SPOCK2: variants seen among roughly 807,000 people sequenced by gnomAD.
The protein encoded by SPOCK2 is testican-2.
SPOCK2 carries 39 observed loss-of-function variants against 60.1 expected under a neutral mutation model. The ratio of observed to expected loss-of-function variants is 0.65; its 90% CI spans 0.50 to 0.85. SPOCK2 has a LOEUF of 0.85. Ranked by LOEUF, SPOCK2 falls within the 40% of genes least tolerant of loss-of-function variation. The probability of loss-of-function intolerance (pLI) is 0.00; values close to 1 mark genes in which losing one functional copy is unlikely to be tolerated. For missense variants in SPOCK2, 523 were observed against 567.4 expected (o/e 0.92, Z 0.80); for synonymous variants, 217 against 231.5 (o/e 0.94, Z 0.57).
At chr10:72,067,514 G>A in intron 7 of SPOCK2, 99 bp downstream of exon 7, 1 of 1,560,406 alleles carries the variant, frequency 6.4e-7, no homozygotes, top group South Asian at 1.2e-5. Context: ...CCAGAGTCTG[G>A]CAGGAAGGAA....
At chr10:72,088,728 A>G (rs1229994362), upstream of SPOCK2, 1 of 168,330 alleles carries the variant, frequency 5.9e-6, no homozygotes, top group Non-Finnish European at 1.3e-5. Context: ...CGCCTGGCAC[A>G]CAGGGAGTTG....
Position 72,088,149 on chromosome 10 carries a change from G to T in SPOCK2, c.180C>A (p.Arg60=), listed in dbSNP as rs1840889083. The T allele has an allele frequency of 6.2e-7, 1 of 1,612,588 alleles. No individual in the cohort carries two copies. Among genetic ancestry groups the T allele is most frequent in the Non-Finnish European group, 8.5e-7 (1 of 1,179,490 alleles). The change falls in exon 1 of 11, where the codon CGC becomes CGA. Residue 60 remains arginine (R), a synonymous_variant. Coordinates refer to ENST00000373109, the MANE Select transcript of SPOCK2 (RefSeq NM_001244950.2). ...AGCCCTGCGGACTCACGTCTCGGAA[G>T]CGGTTCCAGTGCTTGATCTTGCCGC... The part of the protein sequence containing the change: ...QYSGKIKHWN[R]FRDEVEDDYI...
At chr10:72,075,416 A>G (rs1840703450) in intron 1 of SPOCK2, among the ~76,000 whole-genome samples, 1 of 152,114 alleles carries the variant, frequency 6.6e-6, no homozygotes, top group African/African-American at 2.4e-5. Flanking sequence ...GAGTGGAAGT[A>G]GGGAAGGTGC....
At chr10:72,063,516 G>A (rs1443314422) in intron 9 of SPOCK2, among the ~76,000 whole-genome samples, 1 of 152,154 alleles carries the variant, frequency 6.6e-6, no homozygotes, top group African/African-American at 2.4e-5. Flanking sequence ...CAGTTCCGCC[G>A]GCCTGGCTGT....
In SPOCK2 at chr10:72,072,253, C is replaced by T. The variant is rs200420150; in HGVS notation, c.250G>A (p.Asp84Asn). The T allele has an allele frequency of 3.2e-4, 496 of 1,533,180 alleles. 1 individual carries two copies. Among genetic ancestry groups the T allele is most frequent in the Non-Finnish European group, 3.5e-4 (394 of 1,139,202 alleles). 95.0% of individuals were successfully genotyped at this position (1,533,180 alleles called of 1,614,324 possible). A position where few individuals can be genotyped will look rare whatever the true frequency, so the allele number is the denominator to read the frequency against. Residue 84 changes from aspartate to asparagine, a missense_variant, in exon 4 of 11, where the codon GAT (aspartate) becomes AAT (asparagine). Transcript: ENST00000373109. Reference sequence around the variant, plus strand: ...TTCTGGCAGGGGTCCTTGGTGGTATCCAGGGCTGCAGGGGCACAGAGTCAG... The same window carrying T: ...TTCTGGCAGGGGTCCTTGGTGGTATTCAGGGCTGCAGGGGCACAGAGTCAG... ...EDNQQGDEAL[D>N]TTKDPCQKVK... is the part of the protein sequence containing the mutation.
chr10:72,068,121 A>AGGTGT, intron 6 of SPOCK2, 66 bp downstream of exon 6: 2 of 1,524,270 alleles, frequency 1.3e-6, no homozygotes, highest in South Asian at 2.4e-5. Context: ...ACCACCCTAG[A>AGGTGT]GCCCTGAAGG....
At chr10:72,074,709 G>A (rs953570080) in intron 1 of SPOCK2, among the ~76,000 whole-genome samples, 13 of 152,188 alleles carry the variant, frequency 8.5e-5, no homozygotes, top group African/African-American at 3.1e-4. Context: ...GCAGGAGTCG[G>A]GAAGGATGGG....
At position 72,062,625 on chromosome 10, in the gene SPOCK2, C is replaced by T. The variant is rs140209582; in HGVS notation, c.*135G>A. On this transcript the variant is annotated 3_prime_UTR_variant, in exon 11 of 11. Coordinates refer to ENST00000373109, the MANE Select transcript of SPOCK2 (RefSeq NM_001244950.2). The surrounding 1 kb of genome is among the most constrained non-coding windows in gnomAD (Gnocchi z 4.3). Reference sequence around the variant, plus strand: ...CCATCTGTGCCACACACATGCCATGCACACTCACACTCCCAGTCCCCCCAG... The same window carrying T: ...CCATCTGTGCCACACACATGCCATGTACACTCACACTCCCAGTCCCCCCAG... 4.6e-4 allele frequency: 677 copies of T among 1,475,316 alleles called. 5 individuals are homozygous for T. In the East Asian group the frequency reaches 0.012, roughly 27 times the overall value. The allele number at this position is 1,475,316 out of a possible 1,614,324, so 91.4% of individuals were successfully genotyped here.
chr10:72,067,822 G>A, intron 6 of SPOCK2, 90 bp from the exon 7 acceptor site: 1 of 1,531,836 alleles, frequency 6.5e-7, no homozygotes, highest in Non-Finnish European at 8.8e-7. Flanking sequence ...CAGGCCAGGA[G>A]GCTGGGCAGG....
chr10:72,062,706 G>A lies in SPOCK2; in HGVS notation c.*54C>T. 2 of 1,554,530 alleles carry A rather than the reference G, an allele frequency of 1.3e-6. No individual in the cohort carries two copies. The highest frequency in any genetic ancestry group is 1.7e-6 in the Non-Finnish European group (2 of 1,159,610). On this transcript the variant is annotated 3_prime_UTR_variant, in exon 11 of 11. Coordinates refer to ENST00000373109, the MANE Select transcript of SPOCK2 (RefSeq NM_001244950.2). This position sits in a 1 kb window ranked among gnomAD's most constrained non-coding sequence, Gnocchi z 4.3. The stretch of plus-strand genomic sequence containing the variant: ...GGATCCGTTCTCGAAGTTGCCTGCT[G>A]CTGCTCAGAGCTCTGCTGTTGAGTC...
At position 72,062,805 on chromosome 10, in the gene SPOCK2, C is replaced by T. The variant is rs1168150953; in HGVS notation, c.1230G>A (p.Glu410=). The T allele has an allele frequency of 1.2e-6, 2 of 1,609,968 alleles. No individual in the cohort carries two copies. Among genetic ancestry groups the T allele is most frequent in the Non-Finnish European group, 1.7e-6 (2 of 1,179,920 alleles). Reference sequence around the variant, plus strand: ...CGTCAGCCTCGCCTGCCTCGCCCTCCTCCTCCTCGGCCTCCTCGCCTGCTT... The same window carrying T: ...CGTCAGCCTCGCCTGCCTCGCCCTCTTCCTCCTCGGCCTCCTCGCCTGCTT... ...TEEAGEEAEE[E]EGEAGEADDG... The change falls in exon 11 of 11, where the codon GAG becomes GAA. Residue 410 remains glutamate, a synonymous_variant. Coordinates refer to ENST00000373109, the MANE Select transcript of SPOCK2 (RefSeq NM_001244950.2). This position sits in a 1 kb window ranked among gnomAD's most constrained non-coding sequence, Gnocchi z 4.3.
At chr10:72,082,610 T>G (rs560727947) in intron 1 of SPOCK2, among the ~76,000 whole-genome samples, 5 of 151,660 alleles carry the variant, frequency 3.3e-5, no homozygotes, top group Non-Finnish European at 7.4e-5. Context: ...TCCTAGCACT[T>G]TGGGAGGCGG....
intron 4 of SPOCK2, among the ~76,000 whole-genome samples, chr10:72,070,759 G>A (rs1286980724): frequency 6.6e-6 from 1 of 152,090 alleles, no homozygotes; most frequent in Non-Finnish European, 1.5e-5. Flanking sequence ...CCAAATCTGA[G>A]GTTGCAAACT....
rs1408736893 is a variant in SPOCK2 at position 72,063,176 on chromosome 10, T to C, written c.992-14A>G. The C allele has an allele frequency of 5.1e-6, 8 of 1,555,204 alleles. No homozygotes were observed. In the Admixed American group the frequency reaches 1.4e-4, roughly 26 times the overall value. The stretch of plus-strand genomic sequence containing the variant: ...GGATGAAGATGCCTGAATGAGACAG[T>C]GCCAGGCAGGGTCAGAGCAGGGGCC... On this transcript the variant is annotated splice_polypyrimidine_tract_variant and intron_variant, in intron 9 of 10. Transcript: ENST00000373109.
At chr10:72,065,296 A>G (rs1208374391) in intron 8 of SPOCK2, among the ~76,000 whole-genome samples, 1 of 152,046 alleles carries the variant, frequency 6.6e-6, no homozygotes, top group East Asian at 1.9e-4. Context: ...TCGGCCTCCC[A>G]AAGTGCTGGG....
chr10:72,077,179 G>A (rs1840725045), intron 1 of SPOCK2, among the ~76,000 whole-genome samples: 1 of 152,054 alleles, frequency 6.6e-6, no homozygotes, highest in African/African-American at 2.4e-5. Flanking sequence ...GGAGTGCAGT[G>A]GTGCAATCAT....
chr10:72,072,231 TG>T lies in SPOCK2; in HGVS notation c.271del (p.Gln91ArgfsTer3). The T allele has an allele frequency of 6.5e-7, 1 of 1,545,776 alleles. No homozygotes were observed. The highest frequency in any genetic ancestry group is 8.7e-7 in the Non-Finnish European group (1 of 1,144,828). On this transcript the variant is annotated frameshift_variant, in exon 4 of 11. Coordinates refer to ENST00000373109, the MANE Select transcript of SPOCK2 (RefSeq NM_001244950.2). LOFTEE classifies it high-confidence loss of function. The part of the protein sequence containing the change: ...EALDTTKDPC[Q>X]KVKCSRHKVC... ...CTTGTGGCGGCTGCACTTCACCTTC[TG>T]GCAGGGGTCCTTGGTGGTATCCAGG...
rs182936970 is a variant in SPOCK2 at position 72,078,379 on chromosome 10, C to T, written c.190-5469G>A. Among the ~76,000 whole-genome samples the T allele has an allele frequency of 2.0e-3, 301 of 151,772 alleles. 1 individual carries two copies. Among genetic ancestry groups the T allele is most frequent in the Middle Eastern group, 0.014 (4 of 294 alleles). On this transcript the variant is annotated intron_variant, in intron 1 of 10. Coordinates refer to ENST00000373109, the MANE Select transcript of SPOCK2 (RefSeq NM_001244950.2). ...ATACAAAAATAGCCGTGTGTGATGG[C>T]GGGCGCCTGTAGTCCCAGCTACTCG... is the stretch of plus-strand genomic sequence containing the variant.
chr10:72,064,875 C>G (rs953732351), intron 8 of SPOCK2, among the ~76,000 whole-genome samples: 1 of 150,392 alleles, frequency 6.6e-6, no homozygotes, highest in Non-Finnish European at 1.5e-5. Flanking sequence ...GGACTACAGG[C>G]GCCCGCCACC....
Sources: gnomAD v4.1 joint callset for allele counts (sites outside exome capture counted in the v4.1 genomes callset) on GRCh38, gnomAD v4.1.1 for gene constraint, Gnocchi (gnomAD v3.1) non-coding constraint, MANE v1.5 for transcripts, NCBI Gene and HGNC (gene_info 2026-07-23, HGNC 2026-07-21) for gene names.